Variants in FGD6 observed in about 807,000 individuals in gnomAD.
FGD6 encodes the protein FYVE, RhoGEF and PH domain containing 6, also known as FYVE, RhoGEF and PH domain-containing protein 6.
Under a neutral mutation model 149.4 loss-of-function variants are expected in FGD6, and 90 were observed. The observed-to-expected ratio is 0.60, with a 90% CI of 0.51 to 0.72. FGD6 has a LOEUF of 0.72. FGD6 is among the 30% of genes least tolerant of loss of function. The pLI is 0.00. For missense variants in FGD6, 1,437 were observed against 1,684.8 expected, an observed-to-expected ratio of 0.85 and a Z score of 2.57; for synonymous variants, 527 against 584.0, an observed-to-expected ratio of 0.90 and a Z score of 1.41.
chr12:95,161,023 T>C (rs777232004), intron 3 of FGD6, among the ~76,000 whole-genome samples: 1 of 149,868 alleles, frequency 6.7e-6, no homozygotes, highest in Non-Finnish European at 1.5e-5. Flanking sequence ...CCACCAAAAA[T>C]ACAAAAATTA....
At chr12:95,166,037 A>C (rs1880804301) in intron 3 of FGD6, among the ~76,000 whole-genome samples, 2 of 148,430 alleles carry the variant, frequency 1.3e-5, no homozygotes, top group South Asian at 2.1e-4. Flanking sequence ...CAGTGGCCTG[A>C]ATATAGCTCA....
intron 7 of FGD6, 37 bp downstream of exon 7, chr12:95,137,479 CAAAAAG>C (rs772319888): frequency 1.4e-6 from 2 of 1,419,326 alleles, no homozygotes; most frequent in South Asian, 1.8e-5. Flanking sequence ...GCTTCAACAA[CAAAAAG>C]AAAGAGAAGT....
In FGD6 at chr12:95,165,968, T is replaced by C. The variant is rs559013698; in HGVS notation, c.2586+6632A>G. ...GGCTTGTTTTTTCTTTTTCTGTTTT[T>C]TTTTTTTTTTTCAATAGGGTCTTGC... On this transcript the variant is annotated intron_variant, in intron 3 of 20. Transcript: ENST00000343958. 2.6e-5 allele frequency among the ~76,000 whole-genome samples: 4 copies of C among 151,276 alleles called. No homozygotes were observed. The South Asian group carries it at 8.3e-4, about 31-fold the overall frequency.
chr12:95,141,378 C>A lies in FGD6; in HGVS notation c.2837+10G>T. 6.2e-7 allele frequency: 1 copy of A among 1,609,976 alleles called. No individual in the cohort carries two copies. The highest frequency in any genetic ancestry group is 8.5e-7 in the Non-Finnish European group (1 of 1,177,628). ...AACACTAGGAAAATCTGAAAACGGTCCATTTTTACCAGTGCAACATTCTTT... is the reference window on the plus strand; with the variant it reads ...AACACTAGGAAAATCTGAAAACGGTACATTTTTACCAGTGCAACATTCTTT... On this transcript the variant is annotated intron_variant, in intron 6 of 20. Transcript: ENST00000343958.
chr12:95,119,249 A>G (rs1879114537), intron 8 of FGD6, among the ~76,000 whole-genome samples: 1 of 152,252 alleles, frequency 6.6e-6, no homozygotes, highest in East Asian at 1.9e-4. Flanking sequence ...GCTGAACCAG[A>G]ATGAAAACTG....
chr12:95,205,527 C>G (rs1280187468), intron 2 of FGD6, among the ~76,000 whole-genome samples: 2 of 152,124 alleles, frequency 1.3e-5, no homozygotes, highest in African/African-American at 4.8e-5. Flanking sequence ...TTCATTTTCA[C>G]TTTTTCTTAT....
Position 95,106,272 on chromosome 12 carries a change from C to CT in FGD6, c.3417+681dup, listed in dbSNP as rs58785323. 1.7e-3 allele frequency among the ~76,000 whole-genome samples: 229 copies of CT among 130,876 alleles called. 2 individuals carry two copies. Among genetic ancestry groups the CT allele is most frequent in the African/African-American group, 4.4e-3 (154 of 34,630 alleles). The allele number at this position is 130,876 out of a possible 152,430, so 85.9% of individuals were successfully genotyped here. On this transcript the variant is annotated intron_variant, in intron 13 of 20. Coordinates refer to ENST00000343958, the MANE Select transcript of FGD6 (RefSeq NM_018351.4). ...CCACTACGCCCAGCCTTTATTTGGG[C>CT]TTTTTTTTTTTTTTTTGAGAAGGAG...
chr12:95,176,380 G>A (rs560122573), intron 2 of FGD6, among the ~76,000 whole-genome samples: 97 of 152,256 alleles, frequency 6.4e-4, no homozygotes, highest in South Asian at 3.5e-3. Context: ...CAGGACATAG[G>A]GCTTCCTCCA....
intron 15 of FGD6, 44 bp downstream of exon 15, chr12:95,094,548 C>CTT: frequency 7.1e-7 from 1 of 1,407,046 alleles, no homozygotes; most frequent in African/African-American, 1.5e-5. Context: ...AAGGTAAAAA[C>CTT]TTTGAAATGC....
At chr12:95,190,062 TTAAA>T (rs74763001) in intron 2 of FGD6, among the ~76,000 whole-genome samples, 13,818 of 152,278 alleles carry the variant, frequency 0.091, 813 homozygotes, top group African/African-American at 0.16. Flanking sequence ...ATGTACTATA[TTAAA>T]TAGTTTTCAG....
At position 95,217,126 on chromosome 12, in the gene FGD6, C is replaced by A. The variant is rs2056824950; in HGVS notation, c.16+99G>T. Reference sequence around the variant, plus strand: ...AGGTGCTCGGCAAAGGTACGGGGCACACAACTCGCCCACCCCGGCGAAGAA... The same window carrying A: ...AGGTGCTCGGCAAAGGTACGGGGCAAACAACTCGCCCACCCCGGCGAAGAA... On this transcript the variant is annotated intron_variant, in intron 1 of 20. Coordinates refer to ENST00000343958, the MANE Select transcript of FGD6 (RefSeq NM_018351.4). The A allele has an allele frequency of 2.6e-6, 4 of 1,560,862 alleles. No individual in the cohort carries two copies. The South Asian group carries it at 3.5e-5, about 14-fold the overall frequency.
At chr12:95,183,828 A>G (rs925511789) in intron 2 of FGD6, among the ~76,000 whole-genome samples, 3 of 152,128 alleles carry the variant, frequency 2.0e-5, no homozygotes, top group African/African-American at 7.2e-5. Flanking sequence ...CAGAGCAAGA[A>G]CCTGTCTCAA....
rs751348085 is a variant in FGD6 at position 95,137,514 on chromosome 12, G to C, written c.2994+8C>G. The C allele has an allele frequency of 5.8e-6, 9 of 1,562,394 alleles. No homozygotes were observed. Among genetic ancestry groups the C allele is most frequent in the East Asian group, 2.3e-5 (1 of 43,548 alleles). On this transcript the variant is annotated splice_region_variant and intron_variant, in intron 7 of 20. Transcript: ENST00000343958. ...GAGAAGTGTTCAACATTAGATAGTA[G>C]CAAATACCTCAAATTCTCTAACAAC... is the stretch of plus-strand genomic sequence containing the variant.
chr12:95,107,534 C>G, intron 12 of FGD6, 29 bp downstream of exon 12: 2 of 1,611,610 alleles, frequency 1.2e-6, no homozygotes, highest in Non-Finnish European at 1.7e-6. Context: ...CCTACCTCGG[C>G]CACATCAGAA....
Position 95,217,293 on chromosome 12 carries a change from T to G in FGD6, c.-53A>C. The G allele has an allele frequency of 6.3e-7, 1 of 1,576,904 alleles. No individual in the cohort carries two copies. The highest frequency in any genetic ancestry group is 8.6e-7 in the Non-Finnish European group (1 of 1,156,428). On this transcript the variant is annotated 5_prime_UTR_variant, in exon 1 of 21. Transcript: ENST00000343958. ...CTCGGCCCCTCAATCCATCTTCCCC[T>G]TTCAGTCCATTGTTCCCACAGTTCG...
At chr12:95,113,727 T>C (rs1465142393) in intron 8 of FGD6, 26 bp from the exon 9 acceptor site, 42 of 1,471,878 alleles carry the variant, frequency 2.9e-5, no homozygotes, top group Non-Finnish European at 3.9e-5. Context: ...AAAAAGTATT[T>C]AAGTACAATA....
At chr12:95,103,077 C>T (rs1878501647) in intron 14 of FGD6, among the ~76,000 whole-genome samples, 1 of 152,188 alleles carries the variant, frequency 6.6e-6, no homozygotes, top group South Asian at 2.1e-4. Flanking sequence ...AACAGACTGC[C>T]TGGTTTCAAA....
At chr12:95,189,655 A>G (rs1881535672) in intron 2 of FGD6, 2 of 3,354 alleles carry the variant, frequency 6.0e-4, no homozygotes, top group African/African-American at 8.6e-3. Flanking sequence ...TTTCATAGGA[A>G]AAAAAAAAAA....
At chr12:95,131,765 A>G (rs59417306) in intron 8 of FGD6, among the ~76,000 whole-genome samples, 2 of 152,094 alleles carry the variant, frequency 1.3e-5, no homozygotes, top group Admixed American at 1.3e-4. Context: ...AGGGCCTATT[A>G]TATATAAGGT....
Sources: gnomAD v4.1 joint callset for allele counts (sites outside exome capture counted in the v4.1 genomes callset) on GRCh38, gnomAD v4.1.1 for gene constraint, MANE v1.5 for transcripts, NCBI Gene and HGNC (gene_info 2026-07-23, HGNC 2026-07-21) for gene names.